COMMD10: variants seen among roughly 807,000 people sequenced by gnomAD.
COMMD10 encodes the protein COMM domain containing 10, also known as COMM domain-containing protein 10.
A neutral mutation model predicts 28.9 loss-of-function variants in COMMD10; 33 were observed. That is an observed-to-expected ratio of 1.14 (90% CI 0.87 to 1.53). The LOEUF (loss-of-function observed/expected upper bound fraction) is 1.53. COMMD10 is among the 40% of genes most tolerant of loss of function. The pLI is 0.00. For missense variants in COMMD10, 310 were observed against 233.4 expected, an observed-to-expected ratio of 1.33 and a Z score of -2.14; for synonymous variants, 110 against 81.7, an observed-to-expected ratio of 1.35 and a Z score of -1.87.
chr5:116,186,087 T>G (rs1036706104), intron 5 of COMMD10, among the ~76,000 whole-genome samples: 4 of 152,126 alleles, frequency 2.6e-5, no homozygotes, highest in Admixed American at 6.6e-5. Flanking sequence ...TCATTATCTT[T>G]CTCCCTGTAG....
chr5:116,279,421 T>C (rs1251046083), intron 5 of COMMD10, among the ~76,000 whole-genome samples: 1 of 151,912 alleles, frequency 6.6e-6, no homozygotes, highest in Non-Finnish European at 1.5e-5. Context: ...AGTTGTCCTT[T>C]TGTAACTTTT....
At chr5:116,238,138 A>G (rs1342855963) in intron 5 of COMMD10, among the ~76,000 whole-genome samples, 1 of 152,186 alleles carries the variant, frequency 6.6e-6, no homozygotes, top group Non-Finnish European at 1.5e-5. Context: ...TTAGACCAAT[A>G]TGAAAGGCTA....
chr5:116,276,090 G>A (rs1750903982), intron 5 of COMMD10, among the ~76,000 whole-genome samples: 1 of 151,274 alleles, frequency 6.6e-6, no homozygotes, highest in Non-Finnish European at 1.5e-5. Context: ...GCAAGCAGCA[G>A]GTGGATAGGA....
chr5:116,188,128 A>T (rs1265486888), intron 5 of COMMD10, among the ~76,000 whole-genome samples: 1 of 152,176 alleles, frequency 6.6e-6, no homozygotes, highest in Non-Finnish European at 1.5e-5. Flanking sequence ...CCTACTTTGC[A>T]GTTAGTGACT....
At chr5:116,222,082 G>A (rs1749274784) in intron 5 of COMMD10, among the ~76,000 whole-genome samples, 1 of 152,154 alleles carries the variant, frequency 6.6e-6, no homozygotes, top group Admixed American at 6.5e-5. Context: ...GTGGTCATAG[G>A]AGGAAAAAGA....
intron 4 of COMMD10, among the ~76,000 whole-genome samples, chr5:116,125,060 G>A (rs1029293626): frequency 1.3e-5 from 2 of 152,084 alleles, no homozygotes; most frequent in African/African-American, 4.8e-5. Context: ...TACATTTAAC[G>A]TTAATATTGT....
At chr5:116,162,305 A>G (rs1752944163) in intron 5 of COMMD10, among the ~76,000 whole-genome samples, 1 of 150,162 alleles carries the variant, frequency 6.7e-6, no homozygotes, top group African/African-American at 2.5e-5. Flanking sequence ...AGACTGCAGT[A>G]CAAGAAAATA....
At chr5:116,138,171 A>G (rs1436697259) in intron 5 of COMMD10, among the ~76,000 whole-genome samples, 1 of 151,910 alleles carries the variant, frequency 6.6e-6, no homozygotes, top group African/African-American at 2.4e-5. Flanking sequence ...TCATATACAT[A>G]TAGAACAAAT....
intron 6 of COMMD10, among the ~76,000 whole-genome samples, chr5:116,291,790 A>C (rs550131528): frequency 2.6e-4 from 39 of 150,552 alleles, no homozygotes; most frequent in Non-Finnish European, 4.9e-4. Context: ...AGTTTTAATT[A>C]AAGCAATAGG....
At chr5:116,206,005 A>G (rs988562270) in intron 5 of COMMD10, among the ~76,000 whole-genome samples, 9 of 152,190 alleles carry the variant, frequency 5.9e-5, no homozygotes. Flanking sequence ...GTAAAAGGGC[A>G]CTTGAGAAAC....
At chr5:116,090,174 G>A (rs1750250729) in intron 2 of COMMD10, among the ~76,000 whole-genome samples, 1 of 152,182 alleles carries the variant, frequency 6.6e-6, no homozygotes, top group Non-Finnish European at 1.5e-5. Context: ...TATAGAATGT[G>A]GGCATGCCAG....
chr5:116,144,178 G>C (rs1243226784), intron 5 of COMMD10, among the ~76,000 whole-genome samples: 1 of 151,786 alleles, frequency 6.6e-6, no homozygotes, highest in South Asian at 2.1e-4. Context: ...TCATGAGAAT[G>C]GAAGAGATCA....
Position 116,092,712 on chromosome 5 carries a change from A to G in COMMD10, c.399+12A>G, listed in dbSNP as rs200313896. 13 of 1,541,744 alleles carry G rather than the reference A, an allele frequency of 8.4e-6. No homozygotes were observed. The highest frequency in any genetic ancestry group is 1.1e-5 in the Non-Finnish European group (12 of 1,141,790). ...TGGCTCCCTGTAAGGTATAGAACAT[A>G]CTGTCTTAAATATGTTTTTCAATAA... On this transcript the variant is annotated intron_variant, in intron 4 of 6. Coordinates refer to ENST00000274458, the MANE Select transcript of COMMD10 (RefSeq NM_016144.4).
intron 5 of COMMD10, among the ~76,000 whole-genome samples, chr5:116,159,470 C>A (rs1161571380): frequency 6.6e-6 from 1 of 152,166 alleles, no homozygotes. Flanking sequence ...CAAATACTTG[C>A]AGTGTCCCTC....
chr5:116,190,076 T>C (rs772679159), intron 5 of COMMD10, among the ~76,000 whole-genome samples: 9 of 152,162 alleles, frequency 5.9e-5, no homozygotes, highest in Non-Finnish European at 8.8e-5. Context: ...TTGGTTGAGA[T>C]TGGATGAGTA....
intron 5 of COMMD10, among the ~76,000 whole-genome samples, chr5:116,174,790 A>G (rs1235437966): frequency 6.6e-6 from 1 of 152,122 alleles, no homozygotes; most frequent in Non-Finnish European, 1.5e-5. Flanking sequence ...GGTAGTAGCC[A>G]CTCTTACTCA....
At position 116,250,752 on chromosome 5, in the gene COMMD10, T is replaced by C. The variant is rs192697668; in HGVS notation, c.511-40765T>C. On this transcript the variant is annotated intron_variant, in intron 5 of 6. Transcript: ENST00000274458. ...CCTGAACCTTGGAGAGTCTCTCTTC[T>C]GAGAATCTGCAAGGATGAAGATACA... Among the ~76,000 whole-genome samples, 10 of 152,044 alleles carry C rather than the reference T, an allele frequency of 6.6e-5. No homozygotes were observed. In the East Asian group the frequency reaches 1.7e-3, roughly 26 times the overall value.
rs963568318 is a variant in COMMD10 at position 116,221,618 on chromosome 5, G to A, written c.511-69899G>A. 3.9e-5 allele frequency among the ~76,000 whole-genome samples: 6 copies of A among 152,184 alleles called. No individual in the cohort carries two copies. In the East Asian group the frequency reaches 7.7e-4, roughly 20 times the overall value. Reference sequence around the variant, plus strand: ...GAAAAGGTCTTAGGTTTAGGTCTTAGTAGTAATTATTTGGTTTGACTTTGG... The same window carrying A: ...GAAAAGGTCTTAGGTTTAGGTCTTAATAGTAATTATTTGGTTTGACTTTGG... On this transcript the variant is annotated intron_variant, in intron 5 of 6. Coordinates refer to ENST00000274458, the MANE Select transcript of COMMD10 (RefSeq NM_016144.4).
At chr5:116,219,225 T>G (rs554103045) in intron 5 of COMMD10, among the ~76,000 whole-genome samples, 2 of 98,442 alleles carry the variant, frequency 2.0e-5, no homozygotes, top group Non-Finnish European at 2.8e-5. Context: ...GGCTGTTGTT[T>G]AAGCCACCCA....
Sources: gnomAD v4.1 joint callset for allele counts (sites outside exome capture counted in the v4.1 genomes callset) on GRCh38, gnomAD v4.1.1 for gene constraint, MANE v1.5 for transcripts, NCBI Gene and HGNC (gene_info 2026-07-23, HGNC 2026-07-21) for gene names.